The following TMEM232 variants were observed in gnomAD, a reference collection of about 807,000 sequenced individuals.
TMEM232 encodes the protein transmembrane protein 232.
Under a neutral mutation model 78.8 loss-of-function variants are expected in TMEM232, and 80 were observed. The observed-to-expected ratio is 1.01, with a 90% CI of 0.85 to 1.22. The LOEUF is 1.22. TMEM232 is among the 50% of genes most tolerant of loss of function. The pLI is 0.00. For synonymous variants in TMEM232, 297 were observed against 254.3 expected, an observed-to-expected ratio of 1.17 and a Z score of -1.60; for missense variants, 881 against 742.2, an observed-to-expected ratio of 1.19 and a Z score of -2.17.
chr5:110,721,496 G>C (rs72773184), intron 1 of TMEM232, among the ~76,000 whole-genome samples: 12,845 of 150,702 alleles, frequency 0.085, 571 homozygotes, highest in Admixed American at 0.12. Context: ...TCAATTCCGA[G>C]AGAGTACCTC....
chr5:110,570,734 C>G (rs912392217), intron 10 of TMEM232, among the ~76,000 whole-genome samples: 2 of 152,020 alleles, frequency 1.3e-5, no homozygotes, highest in Admixed American at 6.6e-5. Context: ...TTCACCATTA[C>G]TAATCCACGT....
chr5:110,684,249 T>A (rs1793119206), intron 1 of TMEM232, among the ~76,000 whole-genome samples: 1 of 151,734 alleles, frequency 6.6e-6, no homozygotes, highest in African/African-American at 2.4e-5. Flanking sequence ...AGAATATAAA[T>A]ACATGAAAAG....
At chr5:110,666,371 C>T (rs1325936231) in intron 2 of TMEM232, among the ~76,000 whole-genome samples, 1 of 152,102 alleles carries the variant, frequency 6.6e-6, no homozygotes, top group Admixed American at 6.6e-5. Context: ...TATTCAGATA[C>T]ATTTAATTGA....
At chr5:110,410,654 A>G (rs1391632357) in intron 2 of TMEM232, among the ~76,000 whole-genome samples, 4 of 152,214 alleles carry the variant, frequency 2.6e-5, no homozygotes, top group Non-Finnish European at 4.4e-5. Flanking sequence ...GCAAAGAATA[A>G]TGACTGATGT....
chr5:110,524,888 T>C (rs1381540769), intron 12 of TMEM232, among the ~76,000 whole-genome samples: 2 of 152,142 alleles, frequency 1.3e-5, no homozygotes, highest in South Asian at 2.1e-4. Flanking sequence ...TTTATCATTA[T>C]ATAATGATCT....
chr5:110,611,075 A>T (rs1782214958), intron 8 of TMEM232, among the ~76,000 whole-genome samples: 1 of 152,162 alleles, frequency 6.6e-6, no homozygotes, highest in African/African-American at 2.4e-5. Flanking sequence ...AATATGACCA[A>T]ATAATTAAAT....
chr5:110,663,292 A>G (rs938498644), intron 2 of TMEM232, among the ~76,000 whole-genome samples: 2 of 152,118 alleles, frequency 1.3e-5, no homozygotes, highest in Non-Finnish European at 2.9e-5. Flanking sequence ...CATATAATTA[A>G]AGGCACAACA....
chr5:110,722,435 T>A (rs1433500191), intron 1 of TMEM232, among the ~76,000 whole-genome samples: 2 of 151,792 alleles, frequency 1.3e-5, no homozygotes, highest in Non-Finnish European at 2.9e-5. Context: ...CTCTAAAGAG[T>A]TGACTAGGAT....
chr5:110,422,519 C>CAAAAAAAAA (rs34448955), intron 13 of TMEM232, among the ~76,000 whole-genome samples: 2 of 34,560 alleles, frequency 5.8e-5, no homozygotes, highest in Admixed American at 3.9e-4. Flanking sequence ...GACTCTGTCT[C>CAAAAAAAAA]AAAAAAAAAA....
At chr5:110,675,477 G>A (rs371693159) in intron 1 of TMEM232, among the ~76,000 whole-genome samples, 8 of 152,082 alleles carry the variant, frequency 5.3e-5, no homozygotes, top group Non-Finnish European at 1.0e-4. Context: ...GCCAAATAAC[G>A]ACAAAGACGA....
chr5:110,437,009 G>C (rs1422889033), intron 12 of TMEM232, among the ~76,000 whole-genome samples: 3 of 151,908 alleles, frequency 2.0e-5, no homozygotes. Flanking sequence ...TATACTCATA[G>C]GGATTGCACT....
intron 2 of TMEM232, among the ~76,000 whole-genome samples, chr5:110,733,264 C>A (rs1264425959): frequency 6.6e-6 from 1 of 152,142 alleles, no homozygotes; most frequent in Non-Finnish European, 1.5e-5. Context: ...ATTAGTTCAA[C>A]CACTGTGGAC....
chr5:110,652,877 C>G (rs975718813), intron 2 of TMEM232, among the ~76,000 whole-genome samples: 1 of 152,122 alleles, frequency 6.6e-6, no homozygotes, highest in Admixed American at 6.6e-5. Flanking sequence ...TAAGAGCAGT[C>G]CTGTGGAACA....
rs368513486 is a variant in TMEM232 at position 110,642,821 on chromosome 5, G to A, written c.126-450C>T. ...GGAGCAAGGGAAGAAAGAAGTATAAGTATGAAGTAAGGTCAAAGAGGTAGC... is the reference window on the plus strand; with the variant it reads ...GGAGCAAGGGAAGAAAGAAGTATAAATATGAAGTAAGGTCAAAGAGGTAGC... On this transcript the variant is annotated intron_variant, in intron 2 of 13. Coordinates refer to ENST00000455884, the MANE Select transcript of TMEM232 (RefSeq NM_001039763.4). Among the ~76,000 whole-genome samples the A allele has an allele frequency of 1.2e-4, 19 of 152,230 alleles. No homozygotes were observed. The East Asian group carries it at 3.5e-3, about 28-fold the overall frequency.
chr5:110,456,785 TAAAAC>T (rs1188373902), intron 12 of TMEM232, among the ~76,000 whole-genome samples: 4 of 152,158 alleles, frequency 2.6e-5, no homozygotes, highest in South Asian at 2.1e-4. Context: ...AATGATCTCT[TAAAAC>T]AAATGGTGCT....
At chr5:110,555,150 G>A (rs111999133) in intron 11 of TMEM232, among the ~76,000 whole-genome samples, 3,806 of 152,154 alleles carry the variant, frequency 0.025, 158 homozygotes, top group African/African-American at 0.087. Flanking sequence ...TGGGTGTTTA[G>A]TGCTATAAAC....
chr5:110,410,784 G>C (rs1359022927), intron 2 of TMEM232, among the ~76,000 whole-genome samples: 1 of 152,142 alleles, frequency 6.6e-6, no homozygotes, highest in African/African-American at 2.4e-5. Flanking sequence ...GTGAAATTGA[G>C]GTACAGAGAG....
At chr5:110,712,603 G>C (rs931627399) in intron 1 of TMEM232, among the ~76,000 whole-genome samples, 2 of 152,152 alleles carry the variant, frequency 1.3e-5, no homozygotes, top group South Asian at 4.1e-4. Context: ...CCTGACCACC[G>C]ATCAAAATGG....
chr5:110,617,138 C>T lies in TMEM232; in HGVS notation c.902+1291G>A, dbSNP rs1428203779. Among the ~76,000 whole-genome samples, 14 of 152,200 alleles carry T rather than the reference C, an allele frequency of 9.2e-5. No homozygotes were observed. In the East Asian group the frequency reaches 2.7e-3, roughly 29 times the overall value. On this transcript the variant is annotated intron_variant, in intron 8 of 13. Transcript: ENST00000455884. ...CATTCATAAAAACATGAATGGACAT[C>T]GAGGCATTATGCTAAATGAAATAAG...
Sources: allele counts gnomAD v4.1 joint callset (sites outside exome capture counted in the v4.1 genomes callset), GRCh38; gene constraint gnomAD v4.1.1; transcripts MANE v1.5; gene names NCBI Gene and HGNC (gene_info 2026-07-23, HGNC 2026-07-21).